TMEM43: variants seen among roughly 807,000 people sequenced by gnomAD.
TMEM43 encodes the protein arrhythmogenic right ventricular dysplasia 5.
In TMEM43, 45 loss-of-function variants were observed where a neutral mutation model predicts 49.6. The ratio of observed to expected loss-of-function variants is 0.91; its 90% CI spans 0.71 to 1.16. TMEM43 has a LOEUF of 1.16. TMEM43 is among the 50% of genes most tolerant of loss of function. TMEM43 has a pLI of 0.00. For missense variants in TMEM43, 532 were observed against 516.6 expected (o/e 1.03, Z -0.29); for synonymous variants, 199 against 207.8 (o/e 0.96, Z 0.36).
At chr3:14,131,187 A>T (rs1695090797) in intron 3 of TMEM43, among the ~76,000 whole-genome samples, 1 of 152,190 alleles carries the variant, frequency 6.6e-6, no homozygotes, top group African/African-American at 2.4e-5. Flanking sequence ...GGATTTGGTG[A>T]GATTAGGTAA....
chr3:14,143,064 C>T lies in TMEM43; in HGVS notation c.*1269C>T, dbSNP rs1574942817. 1 of 152,200 alleles carries T rather than the reference C, an allele frequency of 6.6e-6. No homozygotes were observed. The highest frequency in any genetic ancestry group is 2.4e-5 in the African/African-American group (1 of 41,430). 9.4% of individuals were successfully genotyped at this position (152,200 alleles called of 1,614,324 possible). ...GTTCTTTCACGTGTTGTGTCCATAG[C>T]TTTAGTCTTCCTAAATAAGATCCAC... On this transcript the variant is annotated 3_prime_UTR_variant, in exon 12 of 12. Transcript: ENST00000306077.
chr3:14,141,998 A>G lies in TMEM43; in HGVS notation c.*203A>G. ...TGTCTTCCCCACATCTCTTCTTGCC[A>G]GTAAGCAGCTTTGGTGGGCAGCAGC... On this transcript the variant is annotated 3_prime_UTR_variant, in exon 12 of 12. Coordinates refer to ENST00000306077, the MANE Select transcript of TMEM43 (RefSeq NM_024334.3). 1.7e-6 allele frequency: 1 copy of G among 600,388 alleles called. No individual in the cohort carries two copies. The highest frequency in any genetic ancestry group is 2.9e-6 in the Non-Finnish European group (1 of 339,610). The allele number at this position is 600,388 out of a possible 1,614,324, so 37.2% of individuals were successfully genotyped here.
intron 1 of TMEM43, 108 bp downstream of exon 1, chr3:14,125,313 G>T (rs140833608): frequency 2.2e-6 from 3 of 1,372,026 alleles, no homozygotes; most frequent in African/African-American, 2.9e-5. Context: ...CCTCCGTGCG[G>T]CTAGGCCCGC....
intron 1 of TMEM43, among the ~76,000 whole-genome samples, chr3:14,127,571 C>T (rs913642174): frequency 3.3e-5 from 5 of 152,146 alleles, no homozygotes; most frequent in Non-Finnish European, 5.9e-5. Flanking sequence ...GGGAAGATGA[C>T]GTAACCCTGA....
At position 14,143,585 on chromosome 3, in the gene TMEM43, G is replaced by T. The variant is rs1213836175; in HGVS notation, c.*1790G>T. 1.3e-5 allele frequency: 2 copies of T among 152,170 alleles called. No individual in the cohort carries two copies. Among genetic ancestry groups the T allele is most frequent in the East Asian group, 3.8e-4 (2 of 5,202 alleles). 9.4% of individuals were successfully genotyped at this position (152,170 alleles called of 1,614,324 possible). ...CTTCAAAAGTGTTCTTAAAACGAAA[G>T]ATAATGTTAAGAAAAATTTGAAAGC... On this transcript the variant is annotated 3_prime_UTR_variant, in exon 12 of 12. Transcript: ENST00000306077.
Position 14,135,895 on chromosome 3 carries a change from ACTTCTC to A in TMEM43, c.870_875del (p.Asp290_Ser292delinsGlu). 6.2e-7 allele frequency: 1 copy of A among 1,614,124 alleles called. No individual in the cohort carries two copies. Among genetic ancestry groups the A allele is most frequent in the Non-Finnish European group, 8.5e-7 (1 of 1,179,992 alleles). ...ACCTTACTGCTCCTGCACCACGGGGACTTCTCAGCAGAGGTGAGTGCTGTGCCCTAC... is the reference window on the plus strand; with the variant it reads ...ACCTTACTGCTCCTGCACCACGGGGAAGCAGAGGTGAGTGCTGTGCCCTAC... On this transcript the variant is annotated inframe_deletion, in exon 10 of 12. Transcript: ENST00000306077.
chr3:14,135,731 G>C (rs1357150598), intron 9 of TMEM43, 76 bp from the exon 10 acceptor site: 1 of 1,295,292 alleles, frequency 7.7e-7, no homozygotes. Flanking sequence ...CCAGTCCCGG[G>C]AGGGTGGGCC....
chr3:14,135,486 A>G (rs1248398793), intron 9 of TMEM43, among the ~76,000 whole-genome samples: 4 of 152,196 alleles, frequency 2.6e-5, no homozygotes, highest in Admixed American at 2.6e-4. Flanking sequence ...CAGGTGTTCC[A>G]GTCACACACA....
At chr3:14,136,689 C>CCGCCCCTCCAGA (rs1574940082) in intron 10 of TMEM43, among the ~76,000 whole-genome samples, 3 of 139,780 alleles carry the variant, frequency 2.1e-5, no homozygotes, top group African/African-American at 7.9e-5. Context: ...CAGCCCAGAG[C>CCGCCCCTCCAGA]GGGGAGAGGG....
At chr3:14,140,321 C>T (rs1198488560) in intron 11 of TMEM43, among the ~76,000 whole-genome samples, 1 of 152,128 alleles carries the variant, frequency 6.6e-6, no homozygotes, top group African/African-American at 2.4e-5. Flanking sequence ...GCCTTGGTTT[C>T]CTCGTGTCTG....
At chr3:14,129,677 A>C in intron 2 of TMEM43, 116 bp downstream of exon 2, 6 of 1,139,544 alleles carry the variant, frequency 5.3e-6, no homozygotes, top group Non-Finnish European at 7.7e-6. Flanking sequence ...TAAAAAGAGA[A>C]AGGAGGATAC....
rs143535006 is a variant in TMEM43, at chr3:14,131,629, G to A, written c.347G>A (p.Arg116Gln). 6.5e-5 allele frequency: 105 copies of A among 1,614,166 alleles called. 1 individual carries two copies. In the African/African-American group the frequency reaches 7.9e-4, roughly 12 times the overall value. ...YGVHLPAVKL[R>Q]RHVEMYQWVE... is the part of the protein sequence containing the mutation. ...GTCCATCTTCCGGCTGTGAAACTGC[G>A]GAGGCACGTGGAGATGTACCAATGG... The change falls in exon 4 of 12, where the codon CGG becomes CAG. Residue 116 changes from arginine to glutamine, a missense_variant. Physicochemically the swap from Arg to Gln is conservative, Grantham distance 43 (BLOSUM62 1). Transcript: ENST00000306077.
chr3:14,130,500 A>T (rs940402807), intron 2 of TMEM43, among the ~76,000 whole-genome samples: 26 of 152,018 alleles, frequency 1.7e-4, no homozygotes, highest in Non-Finnish European at 8.8e-5. Flanking sequence ...AAATAAAATT[A>T]AAAAAAAGAA....
intron 10 of TMEM43, among the ~76,000 whole-genome samples, chr3:14,136,710 G>A (rs2124992913): frequency 7.3e-6 from 1 of 136,400 alleles, no homozygotes; most frequent in South Asian, 2.2e-4. Context: ...AGTGGGTGGG[G>A]GGGCTCCACC....
intron 10 of TMEM43, among the ~76,000 whole-genome samples, chr3:14,138,474 C>T (rs903359033): frequency 6.6e-6 from 1 of 152,048 alleles, no homozygotes; most frequent in Admixed American, 6.6e-5. Context: ...CATGTCTTTC[C>T]CATAGATGTG....
At chr3:14,133,332 G>A (rs1695122193) in intron 6 of TMEM43, among the ~76,000 whole-genome samples, 1 of 152,240 alleles carries the variant, frequency 6.6e-6, no homozygotes, top group Non-Finnish European at 1.5e-5. Context: ...CCAGTGGTGA[G>A]GCGGGCATAA....
intron 11 of TMEM43, among the ~76,000 whole-genome samples, chr3:14,140,195 C>T (rs1218411486): frequency 3.9e-5 from 6 of 152,214 alleles, no homozygotes; most frequent in Admixed American, 3.9e-4. Flanking sequence ...CTTTGGACAG[C>T]TGAATTGTGC....
intron 4 of TMEM43, 40 bp downstream of exon 4, chr3:14,131,714 G>A (rs767538172): frequency 1.4e-6 from 2 of 1,462,974 alleles, no homozygotes; most frequent in Admixed American, 1.7e-5. Flanking sequence ...GGTAAAGGAG[G>A]AGTGAAGTGT....
chr3:14,130,241 C>T (rs939588958), intron 2 of TMEM43, among the ~76,000 whole-genome samples: 2 of 152,038 alleles, frequency 1.3e-5, no homozygotes, highest in African/African-American at 4.8e-5. Flanking sequence ...CTGAATCAGT[C>T]TCCGTGTCCA....
Sources: gnomAD v4.1 joint callset for allele counts (sites outside exome capture counted in the v4.1 genomes callset) on GRCh38, gnomAD v4.1.1 for gene constraint, MANE v1.5 for transcripts, NCBI Gene and HGNC (gene_info 2026-07-23, HGNC 2026-07-21) for gene names.